Variants in GDF10 observed in about 807,000 individuals in gnomAD.
GDF10 encodes growth/differentiation factor 10.
Under a neutral mutation model 32.1 loss-of-function variants are expected in GDF10, and 23 were observed. That is an observed-to-expected ratio of 0.72 (90% CI 0.52 to 1.02). The LOEUF (loss-of-function observed/expected upper bound fraction) is 1.02. Among genes scored for constraint, GDF10 ranks in the 50% least tolerant of loss-of-function variants. The pLI is 0.00. For synonymous variants in GDF10, 328 were observed against 303.1 expected (o/e 1.08, Z -0.85); for missense variants, 764 against 673.9 (o/e 1.13, Z -1.48).
chr10:47,300,680 C>G lies in GDF10; in HGVS notation c.29C>G (p.Pro10Arg). The G allele has an allele frequency of 2.5e-6, 4 of 1,603,710 alleles. No homozygotes were observed. The highest frequency in any genetic ancestry group is 3.4e-6 in the Non-Finnish European group (4 of 1,176,860). Residue 10 changes from proline (P) to arginine (R), a missense_variant, in exon 1 of 3, where the codon CCG becomes CGG. Physicochemically the swap from Pro to Arg is moderately radical, Grantham distance 103. Transcript: ENST00000580279. MAHVPARTS[P>R]GPGPQLLLLL... is the part of the protein sequence containing the mutation. ...GCTCATGTCCCCGCTCGGACCAGCC[C>G]GGGACCCGGGCCCCAGCTGCTGCTG...
intron 2 of GDF10, 144 bp from the exon 3 acceptor site, chr10:47,312,457 C>G (rs1281369198): frequency 2.3e-6 from 1 of 438,806 alleles, no homozygotes; most frequent in African/African-American, 2.0e-5. Context: ...GGATCTCGTC[C>G]ATTCCTCTAG....
Position 47,300,911 on chromosome 10 carries a change from G to A in GDF10, c.260G>A (p.Ser87Asn). The A allele has an allele frequency of 6.4e-7, 1 of 1,559,740 alleles. No homozygotes were observed. Among genetic ancestry groups the A allele is most frequent in the Non-Finnish European group, 8.6e-7 (1 of 1,160,276 alleles). ...VHMHRLYEKY[S>N]RQGARPGGGN... is the part of the protein sequence containing the mutation. ...ATGCACAGGCTCTATGAGAAGTACAGCCGGCAGGGCGCGCGGCCGGGAGGG... is the reference window on the plus strand; with the variant it reads ...ATGCACAGGCTCTATGAGAAGTACAACCGGCAGGGCGCGCGGCCGGGAGGG... Residue 87 changes from serine (S) to asparagine (N), a missense_variant, in exon 1 of 3, where the codon AGC becomes AAC. Physicochemically the swap from Ser to Asn is conservative, Grantham distance 46. Transcript: ENST00000580279.
Position 47,300,328 on chromosome 10 carries a change from CG to C in GDF10, c.-321del. On this transcript the variant is annotated 5_prime_UTR_variant, in exon 1 of 3. Transcript: ENST00000580279. ...GCCCCGCCCCGCCCCTCGAAGCAGCCGGGCCGGGCGCGCAGTGGGCTACAAA... is the reference window on the plus strand; with the variant it reads ...GCCCCGCCCCGCCCCTCGAAGCAGCCGGCCGGGCGCGCAGTGGGCTACAAA... The C allele has an allele frequency of 8.2e-6, 2 of 244,592 alleles. No homozygotes were observed. The highest frequency in any genetic ancestry group is 1.6e-5 in the Non-Finnish European group (2 of 128,556). 15.2% of individuals were successfully genotyped at this position (244,592 alleles called of 1,614,324 possible).
At chr10:47,311,655 G>A (rs180748963) in intron 2 of GDF10, among the ~76,000 whole-genome samples, 10 of 152,302 alleles carry the variant, frequency 6.6e-5, no homozygotes, top group Middle Eastern at 3.4e-3. Context: ...ACATAGAGAC[G>A]GAGCCTGCTA....
intron 1 of GDF10, 100 bp downstream of exon 1, chr10:47,301,070 A>G (rs1555206823): frequency 5.3e-6 from 4 of 749,882 alleles, no homozygotes; most frequent in Non-Finnish European, 8.1e-6. Context: ...CTTCTAGCCA[A>G]CGGGTGAGTG....
chr10:47,311,725 G>C (rs115946682), intron 2 of GDF10, among the ~76,000 whole-genome samples: 1 of 152,200 alleles, frequency 6.6e-6, no homozygotes, highest in Admixed American at 6.5e-5. Context: ...CTTGCAGCTG[G>C]TTGGCCATGC....
At position 47,300,614 on chromosome 10, in the gene GDF10, C is replaced by T. The variant is rs782474351; in HGVS notation, c.-38C>T. On this transcript the variant is annotated 5_prime_UTR_variant, in exon 1 of 3. Coordinates refer to ENST00000580279, the MANE Select transcript of GDF10 (RefSeq NM_004962.5). ...CCGGTGCGCCAGCGCTCGCCTTCCT[C>T]CTCCTGGACTTCGGCCCTTTGCCGC... 1.3e-6 allele frequency: 2 copies of T among 1,540,162 alleles called. No homozygotes were observed. The highest frequency in any genetic ancestry group is 1.7e-6 in the Non-Finnish European group (2 of 1,144,642).
intron 1 of GDF10, among the ~76,000 whole-genome samples, 184 bp from the exon 2 acceptor site, chr10:47,309,612 G>A (rs1285677523): frequency 2.6e-5 from 4 of 152,184 alleles, no homozygotes; most frequent in African/African-American, 9.7e-5. Flanking sequence ...GTGCACTGAG[G>A]ATTGCAAAGG....
intron 1 of GDF10, among the ~76,000 whole-genome samples, chr10:47,307,231 T>G (rs1381697525): frequency 6.7e-6 from 1 of 149,854 alleles, no homozygotes; most frequent in Non-Finnish European, 1.5e-5. Context: ...CAAATCTTTA[T>G]CAGGAAAACA....
chr10:47,306,393 G>C (rs565906260), intron 1 of GDF10, among the ~76,000 whole-genome samples: 1 of 152,204 alleles, frequency 6.6e-6, no homozygotes, highest in Non-Finnish European at 1.5e-5. Flanking sequence ...GCACTCTAGG[G>C]AAGCATGCCA....
At chr10:47,302,859 C>A (rs1708031850) in intron 1 of GDF10, among the ~76,000 whole-genome samples, 1 of 152,218 alleles carries the variant, frequency 6.6e-6, no homozygotes, top group Admixed American at 6.5e-5. Context: ...TCTGACAAAT[C>A]CCTCTTCTTT....
rs1441757439 is a variant in GDF10 at position 47,310,274 on chromosome 10, C to T, written c.798C>T (p.Tyr266=). Residue 266 remains tyrosine (Y), a synonymous_variant, in exon 2 of 3, where the codon TAC becomes TAT. Coordinates refer to ENST00000580279, the MANE Select transcript of GDF10 (RefSeq NM_004962.5). The part of the protein sequence containing the change: ...PNSVAVTLQR[Y]DPFPAGDPEP... ...GCGTGGCAGTGACGCTGCAGAGATA[C>T]GACCCCTTCCCTGCCGGAGACCCCG... 1.2e-6 allele frequency: 2 copies of T among 1,608,232 alleles called. No individual in the cohort carries two copies. The highest frequency in any genetic ancestry group is 1.7e-6 in the Non-Finnish European group (2 of 1,177,242).
chr10:47,305,915 G>A (rs542053208), intron 1 of GDF10, among the ~76,000 whole-genome samples: 3 of 152,176 alleles, frequency 2.0e-5, no homozygotes, highest in Non-Finnish European at 2.9e-5. Flanking sequence ...TTTGCAAAAC[G>A]TGCTGCAGTT....
rs1276500561 is a variant in GDF10 at position 47,300,581 on chromosome 10, C to T, written c.-71C>T. 2 of 1,431,124 alleles carry T rather than the reference C, an allele frequency of 1.4e-6. No homozygotes were observed. The highest frequency in any genetic ancestry group is 9.4e-7 in the Non-Finnish European group (1 of 1,066,122). 88.7% of individuals were successfully genotyped at this position (1,431,124 alleles called of 1,614,324 possible). On this transcript the variant is annotated 5_prime_UTR_variant, in exon 1 of 3. Coordinates refer to ENST00000580279, the MANE Select transcript of GDF10 (RefSeq NM_004962.5). ...GCGCCCTACTGCCGCGAGGTCAGTCCGCAGCCTCCGGTGCGCCAGCGCTCG... is the reference window on the plus strand; with the variant it reads ...GCGCCCTACTGCCGCGAGGTCAGTCTGCAGCCTCCGGTGCGCCAGCGCTCG...
rs1479395802 is a variant in GDF10 at position 47,313,075 on chromosome 10, A to G, written c.*283A>G. ...ACTGTTCTGAAGGCTTGAAAACAAA[A>G]CATATCCACAACATTGGCTTGATGT... is the stretch of plus-strand genomic sequence containing the variant. On this transcript the variant is annotated 3_prime_UTR_variant, in exon 3 of 3. Transcript: ENST00000580279. 1.0e-5 allele frequency: 3 copies of G among 295,960 alleles called. No individual in the cohort carries two copies. The highest frequency in any genetic ancestry group is 1.9e-5 in the Non-Finnish European group (3 of 160,930). 18.3% of individuals were successfully genotyped at this position (295,960 alleles called of 1,614,324 possible). A position where few individuals can be genotyped will look rare whatever the true frequency, so the allele number is the denominator to read the frequency against.
chr10:47,309,934 G>C lies in GDF10; in HGVS notation c.458G>C (p.Arg153Pro). 6.2e-7 allele frequency: 1 copy of C among 1,612,908 alleles called. No individual in the cohort carries two copies. The highest frequency in any genetic ancestry group is 1.1e-5 in the South Asian group (1 of 90,960). Residue 153 changes from arginine to proline, a missense_variant, in exon 2 of 3, where the codon CGG (arginine) becomes CCG (proline). By Grantham distance (103) the Arg-to-Pro change is moderately radical. Transcript: ENST00000580279. ...GCGCTCGAGGTGCTATGCAAGCCGC[G>C]GGCCAAGAACGCTTCAGGCCGCCCG... ...PRALEVLCKP[R>P]AKNASGRPLP...
chr10:47,301,047 C>A, intron 1 of GDF10, 77 bp downstream of exon 1: 1 of 985,074 alleles, frequency 1.0e-6, no homozygotes, highest in Non-Finnish European at 1.4e-6. Context: ...ACCCGTGCAC[C>A]TCTACTTTTC....
At position 47,300,303 on chromosome 10, in the gene GDF10, G is replaced by T. The variant is rs1024142480; in HGVS notation, c.-349G>T. 2.0e-5 allele frequency: 4 copies of T among 200,148 alleles called. No individual in the cohort carries two copies. The highest frequency in any genetic ancestry group is 4.0e-5 in the Non-Finnish European group (4 of 100,138). 12.4% of individuals were successfully genotyped at this position (200,148 alleles called of 1,614,324 possible). The stretch of plus-strand genomic sequence containing the variant: ...GGTCCCCTCGAGGGCGCAGCCGGCC[G>T]CCCCGCCCCGCCCCTCGAAGCAGCC... On this transcript the variant is annotated 5_prime_UTR_variant, in exon 1 of 3. Coordinates refer to ENST00000580279, the MANE Select transcript of GDF10 (RefSeq NM_004962.5).
At chr10:47,304,370 A>G (rs1461102412) in intron 1 of GDF10, among the ~76,000 whole-genome samples, 1 of 151,794 alleles carries the variant, frequency 6.6e-6, no homozygotes, top group Non-Finnish European at 1.5e-5. Context: ...AGAAGAATAG[A>G]GGGGAGAGAG....
Sources: gnomAD v4.1 joint callset for allele counts (sites outside exome capture counted in the v4.1 genomes callset) on GRCh38, gnomAD v4.1.1 for gene constraint, MANE v1.5 for transcripts, NCBI Gene and HGNC (gene_info 2026-07-23, HGNC 2026-07-21) for gene names.